Variants in LRP1B observed in about 807,000 individuals in gnomAD.
The protein encoded by LRP1B is LDL receptor related protein 1B.
LRP1B carries 217 observed loss-of-function variants against 556.6 expected under a neutral mutation model. The ratio of observed to expected loss-of-function variants is 0.39; its 90% confidence interval spans 0.35 to 0.44. The LOEUF is 0.44. LRP1B is among the 20% of genes least tolerant of loss of function. LRP1B has a pLI of 1.00. For synonymous variants in LRP1B, 2,047 were observed against 1,865.8 expected (o/e 1.10, Z -2.50); for missense variants, 5,053 against 5,620.8 (o/e 0.90, Z 3.23).
intron 18 of LRP1B, among the ~76,000 whole-genome samples, chr2:140,980,610 G>T (rs935861474): frequency 6.6e-6 from 1 of 152,244 alleles, no homozygotes; most frequent in South Asian, 2.1e-4. Flanking sequence ...TCTAGCACAA[G>T]AAAATTTTAG....
chr2:141,609,608 C>G (rs1688034609), intron 2 of LRP1B, among the ~76,000 whole-genome samples: 1 of 152,132 alleles, frequency 6.6e-6, no homozygotes, highest in Non-Finnish European at 1.5e-5. Flanking sequence ...ATTTAACAAT[C>G]AGCACTCACA....
At chr2:140,605,526 C>CT (rs1443114220) in intron 41 of LRP1B, among the ~76,000 whole-genome samples, 1 of 149,922 alleles carries the variant, frequency 6.7e-6, no homozygotes, top group Non-Finnish European at 1.5e-5. Flanking sequence ...TTTTCCTTTT[C>CT]TTTTTTCTTT....
chr2:140,276,941 T>A (rs1188283531), intron 84 of LRP1B, among the ~76,000 whole-genome samples: 1 of 151,888 alleles, frequency 6.6e-6, no homozygotes. Flanking sequence ...GAAATGATGA[T>A]CTGGAGAGAA....
chr2:141,921,465 C>T (rs1293896923), intron 1 of LRP1B, among the ~76,000 whole-genome samples: 1 of 151,812 alleles, frequency 6.6e-6, no homozygotes, highest in Non-Finnish European at 1.5e-5. Flanking sequence ...TATATGGGTT[C>T]TATGTATGTG....
chr2:141,816,439 C>T (rs1696548855), intron 1 of LRP1B, among the ~76,000 whole-genome samples: 1 of 152,178 alleles, frequency 6.6e-6, no homozygotes, highest in African/African-American at 2.4e-5. Flanking sequence ...TGCTTTCTGC[C>T]TTCAAACATC....
chr2:141,608,220 G>A (rs767756570), intron 2 of LRP1B, among the ~76,000 whole-genome samples: 10 of 152,024 alleles, frequency 6.6e-5, no homozygotes, highest in East Asian at 3.9e-4. Context: ...GCAAAACTCC[G>A]TCTCAAAAGA....
chr2:140,329,914 A>G (rs1680707353), intron 79 of LRP1B, among the ~76,000 whole-genome samples: 1 of 151,936 alleles, frequency 6.6e-6, no homozygotes, highest in Non-Finnish European at 1.5e-5. Flanking sequence ...AAACTACTTT[A>G]AAATTCATAT....
intron 77 of LRP1B, among the ~76,000 whole-genome samples, chr2:140,345,784 A>G (rs1429384841): frequency 7.0e-6 from 1 of 143,330 alleles, no homozygotes; most frequent in Non-Finnish European, 1.5e-5. Flanking sequence ...ATATACATAT[A>G]TATACACATA....
intron 35 of LRP1B, among the ~76,000 whole-genome samples, chr2:140,721,352 C>A (rs1050667794): frequency 1.3e-5 from 2 of 151,986 alleles, no homozygotes; most frequent in South Asian, 4.1e-4. Context: ...AACTACAGGA[C>A]TTTACATTTA....
At position 140,566,862 on chromosome 2, in the gene LRP1B, T is replaced by C. The variant is rs74426052; in HGVS notation, c.7195-24891A>G. Among the ~76,000 whole-genome samples the C allele has an allele frequency of 5.4e-3, 817 of 152,188 alleles. 6 individuals carry two copies. The highest frequency in any genetic ancestry group is 0.013 in the African/African-American group (542 of 41,524). The stretch of plus-strand genomic sequence containing the variant: ...GCCTGACTCCTATGAAATGGGGGTG[T>C]GGTCACCCACAGTGATCATGCACAA... On this transcript the variant is annotated intron_variant, in intron 43 of 90. Transcript: ENST00000389484.
intron 66 of LRP1B, among the ~76,000 whole-genome samples, chr2:140,399,991 G>A (rs533208039): frequency 6.6e-6 from 1 of 152,282 alleles, no homozygotes; most frequent in Admixed American, 6.5e-5. Context: ...AGCTTTGGTT[G>A]GTAATTTGTG....
At chr2:141,360,396 A>G (rs1688780254) in intron 3 of LRP1B, among the ~76,000 whole-genome samples, 1 of 152,238 alleles carries the variant, frequency 6.6e-6, no homozygotes, top group Admixed American at 6.5e-5. Context: ...ATACTTGTAT[A>G]TTATATGTGA....
chr2:141,706,750 G>A (rs1374435380), intron 2 of LRP1B, among the ~76,000 whole-genome samples: 2 of 151,980 alleles, frequency 1.3e-5, no homozygotes, highest in African/African-American at 4.8e-5. Context: ...TATGGATTAT[G>A]TAAAATTTTC....
At chr2:141,465,748 C>A (rs1483247916) in intron 3 of LRP1B, among the ~76,000 whole-genome samples, 1 of 152,002 alleles carries the variant, frequency 6.6e-6, no homozygotes, top group Non-Finnish European at 1.5e-5. Flanking sequence ...CAGGTTTTTT[C>A]CATGTTTTCC....
At chr2:140,670,341 T>A (rs1054302945) in intron 41 of LRP1B, among the ~76,000 whole-genome samples, 9 of 152,060 alleles carry the variant, frequency 5.9e-5, no homozygotes, top group African/African-American at 2.2e-4. Flanking sequence ...CAAAAAAAGG[T>A]AGAAAGAAAA....
chr2:141,656,485 A>G (rs778967246), intron 2 of LRP1B, among the ~76,000 whole-genome samples: 4 of 152,150 alleles, frequency 2.6e-5, no homozygotes, highest in Non-Finnish European at 5.9e-5. Flanking sequence ...AGGTTATGAT[A>G]TTATAAATAA....
chr2:140,795,193 C>T (rs1690262057), intron 32 of LRP1B, among the ~76,000 whole-genome samples: 1 of 152,128 alleles, frequency 6.6e-6, no homozygotes, highest in African/African-American at 2.4e-5. Flanking sequence ...TTCTAAATCT[C>T]ATCACATAGC....
At chr2:142,038,797 T>C (rs961728412) in intron 1 of LRP1B, among the ~76,000 whole-genome samples, 29 of 151,610 alleles carry the variant, frequency 1.9e-4, no homozygotes, top group African/African-American at 6.5e-4. Flanking sequence ...TCTCCATCTT[T>C]CACTTAAGCA....
intron 2 of LRP1B, among the ~76,000 whole-genome samples, chr2:141,582,153 A>AT (rs1198572911): frequency 6.6e-6 from 1 of 152,086 alleles, no homozygotes; most frequent in Non-Finnish European, 1.5e-5. Context: ...ATAGGTTTTT[A>AT]TTTTTTATTT....
Sources: allele counts gnomAD v4.1 joint callset (sites outside exome capture counted in the v4.1 genomes callset), GRCh38; gene constraint gnomAD v4.1.1; transcripts MANE v1.5; gene names NCBI Gene and HGNC (gene_info 2026-07-23, HGNC 2026-07-21).